Variants in SGCZ observed in about 807,000 individuals in gnomAD.
SGCZ encodes the protein sarcoglycan zeta.
Under a neutral mutation model 41.3 loss-of-function variants are expected in SGCZ, and 40 were observed. The observed-to-expected ratio is 0.97, with a 90% CI of 0.75 to 1.26. The LOEUF (loss-of-function observed/expected upper bound fraction) is 1.26. Ranked by LOEUF, SGCZ falls within the 50% of genes most tolerant of loss-of-function variation. The pLI, the probability that SGCZ is intolerant of heterozygous loss-of-function variation, is 0.00. For synonymous variants in SGCZ, 206 were observed against 137.5 expected, an observed-to-expected ratio of 1.50 and a Z score of -3.49; for missense variants, 552 against 369.8, an observed-to-expected ratio of 1.49 and a Z score of -4.04.
rs543176719 is a variant in SGCZ, at chr8:14,963,532, C to T, written c.39+274053G>A. ...TGTTCTTTCTTTTGTATTTTTAGTACGGACAGGGTTTCAACATGTTGCCCA... is the reference window on the plus strand; with the variant it reads ...TGTTCTTTCTTTTGTATTTTTAGTATGGACAGGGTTTCAACATGTTGCCCA... On this transcript the variant is annotated intron_variant, in intron 1 of 7. Coordinates refer to ENST00000382080, the MANE Select transcript of SGCZ (RefSeq NM_139167.4). 3.3e-5 allele frequency among the ~76,000 whole-genome samples: 5 copies of T among 151,918 alleles called. No homozygotes were observed. The East Asian group carries it at 5.8e-4, about 18-fold the overall frequency.
intron 2 of SGCZ, among the ~76,000 whole-genome samples, chr8:14,333,397 T>C (rs149996909): frequency 8.9e-4 from 136 of 152,198 alleles, no homozygotes; most frequent in African/African-American, 2.9e-3. Context: ...CATCTGTAAG[T>C]AGGGGGCTGA....
At chr8:14,387,902 A>G (rs970177688) in intron 2 of SGCZ, among the ~76,000 whole-genome samples, 11 of 152,114 alleles carry the variant, frequency 7.2e-5, no homozygotes, top group Non-Finnish European at 7.4e-5. Flanking sequence ...ATGAGAGATA[A>G]TGAGGATAGA....
chr8:15,202,695 C>G (rs1800927494), intron 1 of SGCZ, among the ~76,000 whole-genome samples: 1 of 152,092 alleles, frequency 6.6e-6, no homozygotes, highest in Admixed American at 6.5e-5. Context: ...TCTGAAGTAG[C>G]TTCTAAGTCA....
At chr8:14,946,570 G>A (rs187415774) in intron 1 of SGCZ, among the ~76,000 whole-genome samples, 52 of 152,008 alleles carry the variant, frequency 3.4e-4, no homozygotes, top group African/African-American at 8.9e-4. Context: ...TCTGCTGAGC[G>A]CCTGGCACAA....
intron 5 of SGCZ, among the ~76,000 whole-genome samples, chr8:14,110,469 A>G (rs1407045129): frequency 3.9e-5 from 6 of 152,172 alleles, no homozygotes; most frequent in Admixed American, 2.6e-4. Flanking sequence ...AGAATTAAAA[A>G]CTGATAGAGG....
intron 1 of SGCZ, among the ~76,000 whole-genome samples, chr8:15,164,609 C>A (rs1454479988): frequency 6.7e-6 from 1 of 149,684 alleles, no homozygotes; most frequent in East Asian, 1.9e-4. Context: ...TTCCTCTTCT[C>A]CACCCCATCA....
chr8:14,146,871 C>CAAAAAAAA (rs66592259), intron 5 of SGCZ, among the ~76,000 whole-genome samples: 27 of 74,814 alleles, frequency 3.6e-4, no homozygotes, highest in African/African-American at 1.3e-3. Flanking sequence ...GACTCCGTCT[C>CAAAAAAAA]AAAAAATAAA....
chr8:14,623,441 G>C (rs1392014498), intron 1 of SGCZ, among the ~76,000 whole-genome samples: 1 of 152,136 alleles, frequency 6.6e-6, no homozygotes, highest in African/African-American at 2.4e-5. Context: ...CAAGAGAAGA[G>C]GCAGACATCT....
At chr8:14,674,442 G>A (rs1392631627) in intron 1 of SGCZ, among the ~76,000 whole-genome samples, 1 of 152,060 alleles carries the variant, frequency 6.6e-6, no homozygotes, top group African/African-American at 2.4e-5. Flanking sequence ...GCTAAATGGA[G>A]CATATTATGT....
At chr8:14,970,112 T>G (rs986336616) in intron 1 of SGCZ, among the ~76,000 whole-genome samples, 1 of 152,158 alleles carries the variant, frequency 6.6e-6, no homozygotes, top group Non-Finnish European at 1.5e-5. Context: ...GTCATTGCAG[T>G]TTTAATTCAT....
intron 1 of SGCZ, among the ~76,000 whole-genome samples, chr8:14,745,829 T>A (rs986923984): frequency 6.6e-6 from 1 of 152,106 alleles, no homozygotes; most frequent in African/African-American, 2.4e-5. Context: ...GAATTTAGTA[T>A]ATTATTTTTA....
intron 1 of SGCZ, among the ~76,000 whole-genome samples, chr8:15,137,498 T>C (rs73525100): frequency 0.011 from 1,742 of 151,948 alleles, 29 homozygotes; most frequent in African/African-American, 0.038. Context: ...GGCCCTAAGG[T>C]TGAAAAGGAA....
At chr8:14,265,581 C>T (rs1166260704) in intron 3 of SGCZ, among the ~76,000 whole-genome samples, 1 of 151,818 alleles carries the variant, frequency 6.6e-6, no homozygotes, top group Non-Finnish European at 1.5e-5. Context: ...TTTCATATCG[C>T]AAATCAGTAA....
intron 1 of SGCZ, among the ~76,000 whole-genome samples, chr8:15,189,766 G>C (rs569813499): frequency 6.6e-6 from 1 of 152,180 alleles, no homozygotes; most frequent in Admixed American, 6.5e-5. Context: ...GCCCAGGCTG[G>C]TGTTGAACTC....
chr8:14,869,507 C>T (rs1804064843), intron 1 of SGCZ, among the ~76,000 whole-genome samples: 1 of 152,180 alleles, frequency 6.6e-6, no homozygotes. Flanking sequence ...AAGCTGGAAG[C>T]ATTCCCTTTG....
intron 1 of SGCZ, among the ~76,000 whole-genome samples, chr8:14,953,530 C>A (rs7387638): frequency 4.6e-5 from 7 of 151,904 alleles, no homozygotes; most frequent in Non-Finnish European, 1.0e-4. Flanking sequence ...GTTTTGATCT[C>A]TCTCATGTTA....
At chr8:14,798,795 C>G (rs1158185989) in intron 1 of SGCZ, among the ~76,000 whole-genome samples, 1 of 151,936 alleles carries the variant, frequency 6.6e-6, no homozygotes, top group African/African-American at 2.4e-5. Flanking sequence ...AAAGTCCATT[C>G]TATTATAAAA....
chr8:14,442,264 T>A (rs1037790550), intron 2 of SGCZ, among the ~76,000 whole-genome samples: 7 of 152,182 alleles, frequency 4.6e-5, no homozygotes, highest in Admixed American at 3.9e-4. Flanking sequence ...GCCCGTGATA[T>A]TCTCGTGATA....
chr8:14,315,054 G>A (rs1174598535), intron 3 of SGCZ, among the ~76,000 whole-genome samples: 1 of 152,234 alleles, frequency 6.6e-6, no homozygotes, highest in African/African-American at 2.4e-5. Flanking sequence ...CTGTTTACAG[G>A]CACACAATGC....
Sources: allele counts gnomAD v4.1 joint callset (sites outside exome capture counted in the v4.1 genomes callset), GRCh38; gene constraint gnomAD v4.1.1; transcripts MANE v1.5; gene names NCBI Gene and HGNC (gene_info 2026-07-23, HGNC 2026-07-21).